Variants in PAX8 observed in about 807,000 individuals in gnomAD.
PAX8 encodes the protein paired box protein Pax-8.
A neutral mutation model predicts 52.4 loss-of-function variants in PAX8; 15 were observed. That is an observed-to-expected ratio of 0.29 (90% CI 0.19 to 0.44). The LOEUF (loss-of-function observed/expected upper bound fraction) is 0.44, where lower values mean the gene tolerates loss of function less well. Among genes scored for constraint, PAX8 ranks in the 20% least tolerant of loss-of-function variants. The pLI is 1.00. For missense variants in PAX8, 554 were observed against 602.5 expected (o/e 0.92, Z 0.84); for synonymous variants, 284 against 249.7 (o/e 1.14, Z -1.29).
At chr2:113,264,133 C>T (rs911697390) in intron 2 of PAX8, among the ~76,000 whole-genome samples, 3 of 152,146 alleles carry the variant, frequency 2.0e-5, no homozygotes, top group Non-Finnish European at 2.9e-5. Context: ...GACCAATTAC[C>T]CTGCCAAGTC....
intron 3 of PAX8, among the ~76,000 whole-genome samples, chr2:113,246,326 A>G (rs1010791079): frequency 6.6e-6 from 1 of 152,202 alleles, no homozygotes; most frequent in Non-Finnish European, 1.5e-5. Flanking sequence ...TTATGGTTTG[A>G]GAAGCACAAA....
intron 2 of PAX8, among the ~76,000 whole-genome samples, chr2:113,258,507 C>T (rs1386526471): frequency 6.6e-6 from 1 of 152,180 alleles, no homozygotes; most frequent in Non-Finnish European, 1.5e-5. Flanking sequence ...GTCTTCCCTT[C>T]TCTCTCCCTC....
At chr2:113,237,221 C>T (rs1410863223) in intron 7 of PAX8, 1 of 154,858 alleles carries the variant, frequency 6.5e-6, no homozygotes, top group East Asian at 1.9e-4. Flanking sequence ...CTGCTCTCAA[C>T]CACTGCCCTA....
intron 2 of PAX8, among the ~76,000 whole-genome samples, chr2:113,249,096 G>T (rs1001281690): frequency 6.6e-6 from 1 of 152,238 alleles, no homozygotes; most frequent in Admixed American, 6.5e-5. Flanking sequence ...TGGACACAAC[G>T]GGTGAGCTTG....
chr2:113,277,403 A>G (rs1473809097), intron 2 of PAX8, among the ~76,000 whole-genome samples: 1 of 152,090 alleles, frequency 6.6e-6, no homozygotes, highest in African/African-American at 2.4e-5. Context: ...CCTCCTTATT[A>G]TAACAAATGT....
chr2:113,248,650 C>CA (rs926245081), intron 2 of PAX8, among the ~76,000 whole-genome samples: 9 of 152,162 alleles, frequency 5.9e-5, no homozygotes, highest in Non-Finnish European at 1.2e-4. Flanking sequence ...GCAGAACACT[C>CA]AATTTCCCTT....
Position 113,217,513 on chromosome 2 carries a change from A to C in PAX8, c.*1020T>G. The stretch of plus-strand genomic sequence containing the variant: ...GTTAGAAAGAAGGAAGCTTGACCCA[A>C]ACAAAGTTTCATTTACAGTATATAC... On this transcript the variant is annotated 3_prime_UTR_variant, in exon 12 of 12. Transcript: ENST00000429538. 1 of 230,532 alleles carries C rather than the reference A, an allele frequency of 4.3e-6. No individual in the cohort carries two copies. Among genetic ancestry groups the C allele is most frequent in the Non-Finnish European group, 8.6e-6 (1 of 116,180 alleles). 14.3% of individuals were successfully genotyped at this position (230,532 alleles called of 1,614,324 possible).
chr2:113,242,664 G>C, intron 5 of PAX8, 26 bp downstream of exon 5: 1 of 1,506,338 alleles, frequency 6.6e-7, no homozygotes, highest in South Asian at 1.1e-5. Flanking sequence ...GAGCATGTGT[G>C]TGTATCCAGG....
intron 10 of PAX8, chr2:113,226,696 A>G (rs1689599227): frequency 6.2e-6 from 7 of 1,125,504 alleles, no homozygotes; most frequent in African/African-American, 1.6e-5. Context: ...CATCATCAAT[A>G]CCCTTCAGAT....
rs185553422 is a variant in PAX8, at chr2:113,216,949, C to A, written c.*1584G>T. The A allele has an allele frequency of 2.0e-4, 46 of 230,622 alleles. No individual in the cohort carries two copies. In the Admixed American group the frequency reaches 2.4e-3, roughly 12 times the overall value. The allele number at this position is 230,622 out of a possible 1,614,324, so 14.3% of individuals were successfully genotyped here. A position where few individuals can be genotyped will look rare whatever the true frequency, so the allele number is the denominator to read the frequency against. On this transcript the variant is annotated 3_prime_UTR_variant, in exon 12 of 12. Coordinates refer to ENST00000429538, the MANE Select transcript of PAX8 (RefSeq NM_003466.4). ...TAATTTCAGCTTAACTTATATGAAG[C>A]CTTCCATACTGTGCCTGGCACACAA...
intron 2 of PAX8, among the ~76,000 whole-genome samples, chr2:113,253,931 A>G (rs1265524971): frequency 6.6e-6 from 1 of 152,174 alleles, no homozygotes; most frequent in Non-Finnish European, 1.5e-5. Flanking sequence ...TTTTTGCATA[A>G]CTATATATGT....
chr2:113,264,888 T>C (rs1287404762), intron 2 of PAX8, among the ~76,000 whole-genome samples: 1 of 152,136 alleles, frequency 6.6e-6, no homozygotes, highest in Non-Finnish European at 1.5e-5. Context: ...AGAATGTACA[T>C]GGTGTATTTT....
chr2:113,228,632 G>C (rs183338130), intron 9 of PAX8, among the ~76,000 whole-genome samples: 23 of 152,376 alleles, frequency 1.5e-4, no homozygotes, highest in Admixed American at 1.5e-3. Context: ...TGCTGGCTAA[G>C]AACCATTGTG....
intron 2 of PAX8, among the ~76,000 whole-genome samples, chr2:113,247,129 C>A (rs960202964): frequency 6.6e-6 from 1 of 152,238 alleles, no homozygotes; most frequent in African/African-American, 2.4e-5. Context: ...TCATCCCCCA[C>A]GATGGGATGG....
chr2:113,242,529 G>A (rs1196485475), intron 5 of PAX8, among the ~76,000 whole-genome samples, 161 bp downstream of exon 5: 4 of 152,086 alleles, frequency 2.6e-5, no homozygotes, highest in African/African-American at 4.8e-5. Flanking sequence ...GCCAGACTTC[G>A]TCGCAGTGGC....
At chr2:113,226,001 AT>A in intron 10 of PAX8, 1 of 985,548 alleles carries the variant, frequency 1.0e-6, no homozygotes, top group Non-Finnish European at 1.2e-6. Flanking sequence ...AGTATTCTGT[AT>A]TTTCAACGCT....
intron 2 of PAX8, chr2:113,259,416 C>G (rs951709389): frequency 1.3e-5 from 2 of 153,224 alleles, no homozygotes; most frequent in African/African-American, 2.4e-5. Flanking sequence ...CCCCTGTCCT[C>G]TCTTTGAATC....
At chr2:113,222,143 G>A (rs994798031) in intron 10 of PAX8, among the ~76,000 whole-genome samples, 10 of 152,110 alleles carry the variant, frequency 6.6e-5, no homozygotes, top group Admixed American at 5.2e-4. Flanking sequence ...CCCTGGCCCC[G>A]TCCTTCCACA....
intron 2 of PAX8, among the ~76,000 whole-genome samples, chr2:113,251,934 C>T (rs756677216): frequency 1.1e-4 from 16 of 152,192 alleles, no homozygotes; most frequent in Non-Finnish European, 2.4e-4. Flanking sequence ...TCTTTGTCTA[C>T]TGTAATTAGT....
Sources: allele counts gnomAD v4.1 joint callset (sites outside exome capture counted in the v4.1 genomes callset), GRCh38; gene constraint gnomAD v4.1.1; transcripts MANE v1.5; gene names NCBI Gene and HGNC (gene_info 2026-07-23, HGNC 2026-07-21).